The following CRACR2A variants were observed in gnomAD, a reference collection of about 807,000 sequenced individuals.
CRACR2A encodes EF-hand calcium-binding domain-containing protein 4B.
Under a neutral mutation model 90.5 loss-of-function variants are expected in CRACR2A, and 79 were observed. The ratio of observed to expected loss-of-function variants is 0.87; its 90% confidence interval spans 0.73 to 1.05. CRACR2A has a LOEUF of 1.05. Among genes scored for constraint, CRACR2A ranks in the 50% least tolerant of loss-of-function variants. CRACR2A has a pLI of 0.00. For missense variants in CRACR2A, 823 were observed against 897.2 expected (o/e 0.92, Z 1.06); for synonymous variants, 338 against 356.7 (o/e 0.95, Z 0.59).
intron 10 of CRACR2A, among the ~76,000 whole-genome samples, chr12:3,653,202 T>C (rs566380273): frequency 3.9e-4 from 59 of 151,598 alleles, no homozygotes; most frequent in South Asian, 8.3e-4. Context: ...AGGCTGGTCT[T>C]GAACTCCTGA....
intron 1 of CRACR2A, among the ~76,000 whole-genome samples, chr12:3,747,916 AG>A (rs747496123): frequency 3.2e-4 from 48 of 151,702 alleles, no homozygotes; most frequent in Non-Finnish European, 4.0e-4. Flanking sequence ...CCACAGGCTC[AG>A]GGGTACACCC....
chr12:3,733,432 G>C (rs1418377508), intron 1 of CRACR2A, among the ~76,000 whole-genome samples: 1 of 152,142 alleles, frequency 6.6e-6, no homozygotes, highest in Non-Finnish European at 1.5e-5. Flanking sequence ...CAAGCTTCTT[G>C]CCAATGGGTA....
At chr12:3,710,593 G>C (rs1396599011) in intron 3 of CRACR2A, among the ~76,000 whole-genome samples, 2 of 152,016 alleles carry the variant, frequency 1.3e-5, no homozygotes, top group Non-Finnish European at 2.9e-5. Context: ...AAGAGATGGA[G>C]ACCATCCTGG....
intron 6 of CRACR2A, 130 bp downstream of exon 6, chr12:3,678,785 C>T: frequency 1.0e-6 from 1 of 966,708 alleles, no homozygotes; most frequent in Admixed American, 2.8e-5. Flanking sequence ...AACCAGCGGG[C>T]CTTTACCTGC....
At chr12:3,625,463 T>C (rs1715733834) in intron 17 of CRACR2A, among the ~76,000 whole-genome samples, 1 of 151,302 alleles carries the variant, frequency 6.6e-6, no homozygotes, top group African/African-American at 2.4e-5. Flanking sequence ...TTTGTCACCA[T>C]CCATTCCCAT....
At chr12:3,709,276 C>A (rs1945974871) in intron 3 of CRACR2A, among the ~76,000 whole-genome samples, 1 of 152,184 alleles carries the variant, frequency 6.6e-6, no homozygotes, top group African/African-American at 2.4e-5. Context: ...AGAAGCTTCT[C>A]TCAAATGTTT....
chr12:3,658,706 AGCCGGGCTTAGT>A (rs1052658079), intron 8 of CRACR2A, among the ~76,000 whole-genome samples: 4 of 152,206 alleles, frequency 2.6e-5, no homozygotes, highest in African/African-American at 9.6e-5. Context: ...TTGTGAGAAT[AGCCGGGCTTAGT>A]GCTGAGCGGC....
rs1195140491 is a variant in CRACR2A, at chr12:3,746,413, C to A, written c.-387+6602G>T. Among the ~76,000 whole-genome samples, 1 of 151,918 alleles carries A rather than the reference C, an allele frequency of 6.6e-6. No homozygotes were observed. The highest frequency in any genetic ancestry group is 1.5e-5 in the Non-Finnish European group (1 of 67,986). ...CTCCCTCTTCCCCACCCTTCCTCCACCCTCCCTCTCCCTTCTTCCTCTCCC... is the reference window on the plus strand; with the variant it reads ...CTCCCTCTTCCCCACCCTTCCTCCAACCTCCCTCTCCCTTCTTCCTCTCCC... On this transcript the variant is annotated intron_variant, in intron 1 of 19. Transcript: ENST00000440314. The surrounding 1 kb of genome is among the most constrained non-coding windows in gnomAD (Gnocchi z 4.4).
intron 6 of CRACR2A, among the ~76,000 whole-genome samples, chr12:3,673,966 C>T (rs1260798818): frequency 6.6e-6 from 1 of 152,182 alleles, no homozygotes; most frequent in Non-Finnish European, 1.5e-5. Context: ...CTTCTGTTCT[C>T]CCGTGGCCTT....
In CRACR2A at chr12:3,680,268, G is replaced by T. The variant is rs749668480; in HGVS notation, c.310C>A (p.Leu104Met). 9 of 1,614,068 alleles carry T rather than the reference G, an allele frequency of 5.6e-6. No individual in the cohort carries two copies. In the African/African-American group the frequency reaches 1.1e-4, roughly 19 times the overall value. Reference protein sequence around the residue: ...DALDADGNGYLTPQEFTTGFS... With the variant: ...DALDADGNGYMTPQEFTTGFS... ...CCAGTAGTGAACTCCTGTGGGGTCA[G>T]ATAGCCATTGCCATCAGCATCCAGG... The change falls in exon 5 of 20, where the codon CTG (leucine) becomes ATG (methionine). Residue 104 changes from leucine to methionine, a missense_variant. Coordinates refer to ENST00000440314, the MANE Select transcript of CRACR2A (RefSeq NM_001144958.2).
chr12:3,746,685 C>A lies in CRACR2A; in HGVS notation c.-387+6330G>T, dbSNP rs1946632855. ...CTCTCTTCTTAGACCAGACCCCCTG[C>A]AGGACCCTTTGCTGGCACAGCAGGG... On this transcript the variant is annotated intron_variant, in intron 1 of 19. Transcript: ENST00000440314. The surrounding 1 kb of genome is among the most constrained non-coding windows in gnomAD (Gnocchi z 4.4). Among the ~76,000 whole-genome samples the A allele has an allele frequency of 6.6e-6, 1 of 152,254 alleles. No homozygotes were observed. The highest frequency in any genetic ancestry group is 1.5e-5 in the Non-Finnish European group (1 of 68,040).
intron 4 of CRACR2A, among the ~76,000 whole-genome samples, chr12:3,688,687 T>C (rs1160951566): frequency 2.0e-5 from 3 of 152,234 alleles, no homozygotes; most frequent in Non-Finnish European, 4.4e-5. Context: ...TTTGGTTCCA[T>C]ATGAATTTTA....
At position 3,731,076 on chromosome 12, in the gene CRACR2A, T is replaced by C. The variant is rs543339639; in HGVS notation, c.-118+1866A>G. 7 of 152,322 alleles carry C rather than the reference T, an allele frequency of 4.6e-5. No individual in the cohort carries two copies. The South Asian group carries it at 1.0e-3, about 23-fold the overall frequency. The allele number at this position is 152,322 out of a possible 1,614,324, so 9.4% of individuals were successfully genotyped here. A position where few individuals can be genotyped will look rare whatever the true frequency, so the allele number is the denominator to read the frequency against. On this transcript the variant is annotated intron_variant, in intron 2 of 19. Transcript: ENST00000440314. ...TGGAGAGGCAGAAAAGTTGGCAGCA[T>C]TGGATCCAAGCTTTACTAGGTGTGG...
intron 7 of CRACR2A, among the ~76,000 whole-genome samples, chr12:3,665,096 T>C (rs1457946732): frequency 6.6e-6 from 1 of 152,188 alleles, no homozygotes; most frequent in East Asian, 1.9e-4. Context: ...ACCCTAATCA[T>C]TTTGAGTTAT....
chr12:3,695,651 T>G (rs1489530720), intron 4 of CRACR2A, among the ~76,000 whole-genome samples: 1 of 152,144 alleles, frequency 6.6e-6, no homozygotes, highest in Non-Finnish European at 1.5e-5. Flanking sequence ...TTGCCCAACT[T>G]TGGTATATTC....
Position 3,679,029 on chromosome 12 carries a change from T to C in CRACR2A, c.410A>G (p.Glu137Gly). 1 of 1,613,986 alleles carries C rather than the reference T, an allele frequency of 6.2e-7. No homozygotes were observed. The highest frequency in any genetic ancestry group is 1.3e-5 in the African/African-American group (1 of 75,020). Residue 137 changes from glutamate to glycine, a missense_variant, in exon 6 of 20, where the codon GAA becomes GGA. Transcript: ENST00000440314. ...DAGEQVAQRH[E>G]EKVYLSRGDE... ...CCCTCTGGACAGATACACCTTCTCT[T>C]CATGGCGCTGGGCCACCTGTTCACC...
chr12:3,731,112 G>A (rs1946353467), intron 2 of CRACR2A: 5 of 152,222 alleles, frequency 3.3e-5, no homozygotes, highest in Admixed American at 3.3e-4. Context: ...AGACAAGTAG[G>A]TTGTTCAGTA....
intron 4 of CRACR2A, among the ~76,000 whole-genome samples, chr12:3,692,604 G>A: frequency 6.6e-6 from 1 of 152,186 alleles, no homozygotes; most frequent in East Asian, 1.9e-4. Context: ...TTTGTAGTGT[G>A]GTGGCAGTGG....
chr12:3,668,897 G>A (rs567444524), intron 7 of CRACR2A, among the ~76,000 whole-genome samples: 43 of 152,326 alleles, frequency 2.8e-4, no homozygotes, highest in African/African-American at 1.0e-3. Context: ...GGAACACTGT[G>A]CAGATAAGGA....
Sources: allele counts gnomAD v4.1 joint callset (sites outside exome capture counted in the v4.1 genomes callset), GRCh38; gene constraint gnomAD v4.1.1; non-coding constraint Gnocchi (gnomAD v3.1); transcripts MANE v1.5; gene names NCBI Gene and HGNC (gene_info 2026-07-23, HGNC 2026-07-21).